Variants in OTUD1 observed in about 807,000 individuals in gnomAD.
The protein encoded by OTUD1 is OTU deubiquitinase 1, also known as OTU domain-containing protein 1.
A neutral mutation model predicts 30.0 loss-of-function variants in OTUD1; 15 were observed. That is an observed-to-expected ratio of 0.50 (90% confidence interval 0.33 to 0.77). The LOEUF is 0.77. Among genes scored for constraint, OTUD1 ranks in the 30% least tolerant of loss-of-function variants. OTUD1 has a pLI of 0.02. For missense variants in OTUD1, 796 were observed against 697.8 expected (o/e 1.14, Z -1.59); for synonymous variants, 381 against 326.3 (o/e 1.17, Z -1.81).
Position 23,440,208 on chromosome 10 carries a change from G to GCGGCGCGGAGGCC in OTUD1, c.754_766dup (p.Asp256GlyfsTer22). ...TCGCTGCGACGCGCCCGGTGGGGACGCGGCGCGGAGGCCCGACCCAGAGGC... is the reference window on the plus strand; with the variant it reads ...TCGCTGCGACGCGCCCGGTGGGGACGCGGCGCGGAGGCCCGGCGCGGAGGCCCGACCCAGAGGC... On this transcript the variant is annotated frameshift_variant, in exon 1 of 1. Transcript: ENST00000376495. LOFTEE classifies it high-confidence loss of function. 1 of 1,487,766 alleles carries GCGGCGCGGAGGCC rather than the reference G, an allele frequency of 6.7e-7. No homozygotes were observed. The highest frequency in any genetic ancestry group is 8.9e-7 in the Non-Finnish European group (1 of 1,118,322). The allele number at this position is 1,487,766 out of a possible 1,614,324, so 92.2% of individuals were successfully genotyped here.
chr10:23,439,434 A>G lies in OTUD1; in HGVS notation c.-24A>G, dbSNP rs1847100563. On this transcript the variant is annotated 5_prime_UTR_variant, in exon 1 of 1. Transcript: ENST00000376495. ...CGCTCCGGGGCTCGCCGCGCCTATA[A>G]GGGGCCGAGCGGCGGGCAGGGACAT... The G allele has an allele frequency of 7.9e-7, 1 of 1,263,664 alleles. No individual in the cohort carries two copies. The highest frequency in any genetic ancestry group is 9.9e-7 in the Non-Finnish European group (1 of 1,007,024). The allele number at this position is 1,263,664 out of a possible 1,614,324, so 78.3% of individuals were successfully genotyped here.
chr10:23,439,775 G>T lies in OTUD1; in HGVS notation c.318G>T (p.Pro106=). Residue 106 remains proline, a synonymous_variant, in exon 1 of 1, where the codon CCG becomes CCT. Transcript: ENST00000376495. ...PGASCKPPLP[P]HYTSTAQITV... Reference sequence around the variant, plus strand: ...CGTCCTGCAAGCCGCCGCTGCCGCCGCACTACACGTCCACCGCACAGATCA... The same window carrying T: ...CGTCCTGCAAGCCGCCGCTGCCGCCTCACTACACGTCCACCGCACAGATCA... The T allele has an allele frequency of 8.6e-7, 1 of 1,156,802 alleles. No individual in the cohort carries two copies. Among genetic ancestry groups the T allele is most frequent in the Admixed American group, 4.4e-5 (1 of 22,474 alleles). The allele number at this position is 1,156,802 out of a possible 1,614,324, so 71.7% of individuals were successfully genotyped here. A position where few individuals can be genotyped will look rare whatever the true frequency, so the allele number is the denominator to read the frequency against.
In OTUD1 at chr10:23,439,994, C is replaced by T. The variant is rs1423270294; in HGVS notation, c.537C>T (p.Pro179=). 30 of 1,372,212 alleles carry T rather than the reference C, an allele frequency of 2.2e-5. No homozygotes were observed. Among genetic ancestry groups the T allele is most frequent in the Non-Finnish European group, 2.7e-5 (29 of 1,065,546 alleles). 85.0% of individuals were successfully genotyped at this position (1,372,212 alleles called of 1,614,324 possible). ...EELLRPDCPE[P]AGLDATREGP... ...TGCTGCGGCCCGACTGCCCCGAGCC[C>T]GCGGGCTTGGACGCGACACGGGAGG... The change falls in exon 1 of 1, where the codon CCC becomes CCT. Residue 179 remains proline, a synonymous_variant. Coordinates refer to ENST00000376495, the MANE Select transcript of OTUD1 (RefSeq NM_001145373.3).
At position 23,441,050 on chromosome 10, in the gene OTUD1, GTTTTCT is replaced by G; in HGVS notation, c.*148_*153del. On this transcript the variant is annotated 3_prime_UTR_variant, in exon 1 of 1. Transcript: ENST00000376495. ...TAATGCCTTAATCATCTTTTTGAAT[GTTTTCT>G]CAGAGCTGGAGGTTGCTGGGCACCT... The G allele has an allele frequency of 1.1e-6, 1 of 908,022 alleles. No homozygotes were observed. The highest frequency in any genetic ancestry group is 1.6e-6 in the Non-Finnish European group (1 of 608,974). 56.2% of individuals were successfully genotyped at this position (908,022 alleles called of 1,614,324 possible). A position where few individuals can be genotyped will look rare whatever the true frequency, so the allele number is the denominator to read the frequency against.
chr10:23,439,361 C>T lies in OTUD1; in HGVS notation c.-97C>T. ...CATCTCTATTCTGGGGCCGTTGGGT[C>T]ACCGCGCTCCGCCGGCCCCCTCCCC... On this transcript the variant is annotated 5_prime_UTR_variant, in exon 1 of 1. Coordinates refer to ENST00000376495, the MANE Select transcript of OTUD1 (RefSeq NM_001145373.3). 1 of 1,094,632 alleles carries T rather than the reference C, an allele frequency of 9.1e-7. No homozygotes were observed. Among genetic ancestry groups the T allele is most frequent in the Non-Finnish European group, 1.2e-6 (1 of 868,516 alleles). The allele number at this position is 1,094,632 out of a possible 1,614,324, so 67.8% of individuals were successfully genotyped here.
Position 23,440,574 on chromosome 10 carries a change from G to A in OTUD1, c.1117G>A (p.Gly373Arg). 6.4e-7 allele frequency: 1 copy of A among 1,551,710 alleles called. No individual in the cohort carries two copies. Among genetic ancestry groups the A allele is most frequent in the Non-Finnish European group, 8.7e-7 (1 of 1,147,008 alleles). ...GTTTATCATCGCTGCTGCCCAAGAC[G>A]GGGCATGGGCCGGGTACCCGGAGTT... ...GEFIIAAAQD[G>R]AWAGYPELLA... Residue 373 changes from glycine (G) to arginine (R), a missense_variant, in exon 1 of 1, where the codon GGG becomes AGG. Physicochemically the swap from Gly to Arg is moderately radical, Grantham distance 125. Transcript: ENST00000376495.
rs993217601 is a variant in OTUD1, at chr10:23,439,451, C to A, written c.-7C>A. 5 of 1,291,024 alleles carry A rather than the reference C, an allele frequency of 3.9e-6. No individual in the cohort carries two copies. In the African/African-American group the frequency reaches 7.8e-5, roughly 20 times the overall value. 80.0% of individuals were successfully genotyped at this position (1,291,024 alleles called of 1,614,324 possible). A position where few individuals can be genotyped will look rare whatever the true frequency, so the allele number is the denominator to read the frequency against. ...CGCCTATAAGGGGCCGAGCGGCGGGCAGGGACATGCAGCTCTACAGCAGCG... is the reference window on the plus strand; with the variant it reads ...CGCCTATAAGGGGCCGAGCGGCGGGAAGGGACATGCAGCTCTACAGCAGCG... On this transcript the variant is annotated 5_prime_UTR_variant, in exon 1 of 1. Coordinates refer to ENST00000376495, the MANE Select transcript of OTUD1 (RefSeq NM_001145373.3).
In OTUD1 at chr10:23,440,210, G is replaced by C; in HGVS notation, c.753G>C (p.Ala251=). The part of the protein sequence containing the change: ...GDRCDAPGGD[A]ARRPDPEAEA... Reference sequence around the variant, plus strand: ...GCTGCGACGCGCCCGGTGGGGACGCGGCGCGGAGGCCCGACCCAGAGGCCG... The same window carrying C: ...GCTGCGACGCGCCCGGTGGGGACGCCGCGCGGAGGCCCGACCCAGAGGCCG... Residue 251 remains alanine (A), a synonymous_variant, in exon 1 of 1, where the codon GCG becomes GCC. Coordinates refer to ENST00000376495, the MANE Select transcript of OTUD1 (RefSeq NM_001145373.3). The C allele has an allele frequency of 6.7e-7, 1 of 1,489,820 alleles. No individual in the cohort carries two copies. Among genetic ancestry groups the C allele is most frequent in the Non-Finnish European group, 8.9e-7 (1 of 1,119,238 alleles). The allele number at this position is 1,489,820 out of a possible 1,614,324, so 92.3% of individuals were successfully genotyped here.
In OTUD1 at chr10:23,439,438, G is replaced by A; in HGVS notation, c.-20G>A. ...CCGGGGCTCGCCGCGCCTATAAGGG[G>A]CCGAGCGGCGGGCAGGGACATGCAG... On this transcript the variant is annotated 5_prime_UTR_variant, in exon 1 of 1. Coordinates refer to ENST00000376495, the MANE Select transcript of OTUD1 (RefSeq NM_001145373.3). The A allele has an allele frequency of 2.4e-6, 3 of 1,274,562 alleles. No individual in the cohort carries two copies. Among genetic ancestry groups the A allele is most frequent in the Non-Finnish European group, 3.0e-6 (3 of 1,012,772 alleles). The allele number at this position is 1,274,562 out of a possible 1,614,324, so 79.0% of individuals were successfully genotyped here.
chr10:23,440,359 A>T lies in OTUD1; in HGVS notation c.902A>T (p.Asp301Val). 6.4e-7 allele frequency: 1 copy of T among 1,551,488 alleles called. No homozygotes were observed. Among genetic ancestry groups the T allele is most frequent in the Non-Finnish European group, 8.7e-7 (1 of 1,146,954 alleles). The change falls in exon 1 of 1, where the codon GAC (aspartate) becomes GTC (valine). Residue 301 changes from aspartate (D) to valine (V), a missense_variant. Physicochemically the swap from Asp to Val is radical, Grantham distance 152. Transcript: ENST00000376495. ...ALYLAEVEKQDKYLRQRNKYR... is the reference protein window; with the variant it reads ...ALYLAEVEKQVKYLRQRNKYR... ...TACCTGGCCGAGGTGGAGAAGCAGG[A>T]CAAGTATCTGCGGCAGAGGAATAAG...
In OTUD1 at chr10:23,440,504, C is replaced by T; in HGVS notation, c.1047C>T (p.Asp349=). 1 of 1,551,740 alleles carries T rather than the reference C, an allele frequency of 6.4e-7. No individual in the cohort carries two copies. The highest frequency in any genetic ancestry group is 8.7e-7 in the Non-Finnish European group (1 of 1,147,024). Residue 349 remains aspartate, a synonymous_variant, in exon 1 of 1, where the codon GAC becomes GAT. Coordinates refer to ENST00000376495, the MANE Select transcript of OTUD1 (RefSeq NM_001145373.3). ...LREQTVHYIA[D]HLDHFSPLIE... ...AGCAGACGGTGCACTACATCGCCGA[C>T]CATCTCGACCACTTCAGCCCCCTGA...
In OTUD1 at chr10:23,439,366, C is replaced by G. The variant is rs1423662056; in HGVS notation, c.-92C>G. 9 of 1,113,424 alleles carry G rather than the reference C, an allele frequency of 8.1e-6. No individual in the cohort carries two copies. In the East Asian group the frequency reaches 3.3e-4, roughly 40 times the overall value. 69.0% of individuals were successfully genotyped at this position (1,113,424 alleles called of 1,614,324 possible). A position where few individuals can be genotyped will look rare whatever the true frequency, so the allele number is the denominator to read the frequency against. ...CTATTCTGGGGCCGTTGGGTCACCG[C>G]GCTCCGCCGGCCCCCTCCCCCGGGC... On this transcript the variant is annotated 5_prime_UTR_variant, in exon 1 of 1. Transcript: ENST00000376495.
rs1384127775 is a variant in OTUD1, at chr10:23,440,021, G to T, written c.564G>T (p.Gly188=). The change falls in exon 1 of 1, where the codon GGG becomes GGT. Residue 188 remains glycine, a synonymous_variant. Coordinates refer to ENST00000376495, the MANE Select transcript of OTUD1 (RefSeq NM_001145373.3). ...EPAGLDATRE[G]PDRNFRLSEH... ...CGGGCTTGGACGCGACACGGGAGGG[G>T]CCCGATCGGAACTTCCGACTGAGCG... 2.8e-5 allele frequency: 40 copies of T among 1,442,942 alleles called. No homozygotes were observed. The highest frequency in any genetic ancestry group is 7.9e-5 in the Admixed American group (3 of 38,176). 89.4% of individuals were successfully genotyped at this position (1,442,942 alleles called of 1,614,324 possible). A position where few individuals can be genotyped will look rare whatever the true frequency, so the allele number is the denominator to read the frequency against.
In OTUD1 at chr10:23,440,455, A is replaced by G; in HGVS notation, c.998A>G (p.Gln333Arg). Residue 333 changes from glutamine (Q) to arginine (R), a missense_variant, in exon 1 of 1, where the codon CAG becomes CGG. Gln to Arg is a conservative substitution (Grantham distance 43). Transcript: ENST00000376495. ...RAVSKTVYGD[Q>R]SLHRELREQT... ...GTCAGCAAGACGGTGTATGGGGACCAGAGCCTGCACCGGGAGTTGAGGGAG... is the reference window on the plus strand; with the variant it reads ...GTCAGCAAGACGGTGTATGGGGACCGGAGCCTGCACCGGGAGTTGAGGGAG... 6.4e-7 allele frequency: 1 copy of G among 1,551,744 alleles called. No individual in the cohort carries two copies. Among genetic ancestry groups the G allele is most frequent in the Non-Finnish European group, 8.7e-7 (1 of 1,146,998 alleles).
Position 23,439,742 on chromosome 10 carries a change from G to A in OTUD1, c.285G>A (p.Pro95=), listed in dbSNP as rs768661333. The A allele has an allele frequency of 1.7e-6, 2 of 1,167,658 alleles. No individual in the cohort carries two copies. Among genetic ancestry groups the A allele is most frequent in the Non-Finnish European group, 1.1e-6 (1 of 950,620 alleles). 72.3% of individuals were successfully genotyped at this position (1,167,658 alleles called of 1,614,324 possible). The change falls in exon 1 of 1, where the codon CCG becomes CCA. Residue 95 remains proline, a synonymous_variant. Coordinates refer to ENST00000376495, the MANE Select transcript of OTUD1 (RefSeq NM_001145373.3). ...AAAPASAAAG[P]PGASCKPPLP... ...CGCCCGCCTCCGCCGCCGCCGGCCC[G>A]CCCGGCGCGTCCTGCAAGCCGCCGC...
At position 23,439,205 on chromosome 10, in the gene OTUD1, G is replaced by T. The variant is rs1158694164; in HGVS notation, c.-253G>T. 1.3e-5 allele frequency among the ~76,000 whole-genome samples: 2 copies of T among 151,210 alleles called. No individual in the cohort carries two copies. The highest frequency in any genetic ancestry group is 4.8e-5 in the African/African-American group (2 of 41,266). On this transcript the variant is annotated 5_prime_UTR_variant, in exon 1 of 1. Transcript: ENST00000376495. The stretch of plus-strand genomic sequence containing the variant: ...CGGGCGCGGCGCCCCGGGTCTGCGG[G>T]CCGAGCGCACCGGCAGGGGTCGAGC...
rs900330763 is a variant in OTUD1, at chr10:23,441,003, C to G, written c.*100C>G. 7.7e-7 allele frequency: 1 copy of G among 1,291,078 alleles called. No homozygotes were observed. The highest frequency in any genetic ancestry group is 1.1e-6 in the Non-Finnish European group (1 of 950,052). 80.0% of individuals were successfully genotyped at this position (1,291,078 alleles called of 1,614,324 possible). On this transcript the variant is annotated 3_prime_UTR_variant, in exon 1 of 1. Transcript: ENST00000376495. ...CAGGGTAATAGCACTTTCAAACTTG[C>G]TAGTAGATTTTACTGTAGGTGTAAT...
At position 23,440,540 on chromosome 10, in the gene OTUD1, C is replaced by T. The variant is rs1847116449; in HGVS notation, c.1083C>T (p.Asp361=). The change falls in exon 1 of 1, where the codon GAC becomes GAT. Residue 361 remains aspartate, a synonymous_variant. Transcript: ENST00000376495. ...LDHFSPLIEG[D]VGEFIIAAAQ... Reference sequence around the variant, plus strand: ...ACTTCAGCCCCCTGATTGAGGGCGACGTGGGGGAGTTTATCATCGCTGCTG... The same window carrying T: ...ACTTCAGCCCCCTGATTGAGGGCGATGTGGGGGAGTTTATCATCGCTGCTG... 1.3e-6 allele frequency: 2 copies of T among 1,551,680 alleles called. No individual in the cohort carries two copies. Among genetic ancestry groups the T allele is most frequent in the South Asian group, 1.2e-5 (1 of 84,070 alleles).
Position 23,439,794 on chromosome 10 carries a change from C to G in OTUD1, c.337C>G (p.Gln113Glu). ...GCCGCCGCACTACACGTCCACCGCA[C>G]AGATCACCGTGCGGGCCCTGGGCGC... ...PLPPHYTSTA[Q>E]ITVRALGADR... Residue 113 changes from glutamine to glutamate, a missense_variant, in exon 1 of 1, where the codon CAG becomes GAG. Transcript: ENST00000376495. The G allele has an allele frequency of 8.7e-7, 1 of 1,143,548 alleles. No individual in the cohort carries two copies. The highest frequency in any genetic ancestry group is 1.1e-6 in the Non-Finnish European group (1 of 933,908). 70.8% of individuals were successfully genotyped at this position (1,143,548 alleles called of 1,614,324 possible). A position where few individuals can be genotyped will look rare whatever the true frequency, so the allele number is the denominator to read the frequency against.
Sources: allele counts gnomAD v4.1 joint callset (sites outside exome capture counted in the v4.1 genomes callset), GRCh38; gene constraint gnomAD v4.1.1; transcripts MANE v1.5; gene names NCBI Gene and HGNC (gene_info 2026-07-23, HGNC 2026-07-21).